Variants in ZFHX3 observed in about 807,000 individuals in gnomAD.
The protein encoded by ZFHX3 is zinc finger homeobox 3.
Under a neutral mutation model 279.1 loss-of-function variants are expected in ZFHX3, and 42 were observed. The ratio of observed to expected loss-of-function variants is 0.15; its 90% CI spans 0.12 to 0.19. The LOEUF (loss-of-function observed/expected upper bound fraction) is 0.19, where lower values mean the gene tolerates loss of function less well. ZFHX3 is among the 10% of genes least tolerant of loss of function. ZFHX3 has a pLI of 1.00. For missense variants in ZFHX3, 4,981 were observed against 4,754.0 expected (o/e 1.05, Z -1.40); for synonymous variants, 2,293 against 1,957.8 (o/e 1.17, Z -4.52).
At chr16:72,867,867 C>T (rs2143938625) in intron 4 of ZFHX3, among the ~76,000 whole-genome samples, 1 of 152,284 alleles carries the variant, frequency 6.6e-6, no homozygotes, top group Non-Finnish European at 1.5e-5. Flanking sequence ...TCTCACCAAT[C>T]ACTGAAAAGG....
chr16:73,411,448 T>C lies in ZFHX3; in HGVS notation c.-1291+44555A>G, dbSNP rs373806422. Among the ~76,000 whole-genome samples the C allele has an allele frequency of 5.9e-4, 90 of 152,330 alleles. 1 individual carries two copies. Among genetic ancestry groups the C allele is most frequent in the African/African-American group, 1.9e-3 (77 of 41,576 alleles). On this transcript the variant is annotated intron_variant, in intron 3 of 17. Coordinates refer to the ZFHX3 transcript ENST00000641206. ...TGGGAATACCTTTCTGAAATTTTAA[T>C]GGCCATCAAATGGGAATATATGATT...
chr16:73,087,665 G>A (rs1437190701), intron 8 of ZFHX3, among the ~76,000 whole-genome samples: 1 of 152,128 alleles, frequency 6.6e-6, no homozygotes, highest in Non-Finnish European at 1.5e-5. Context: ...TTTTCATGGA[G>A]AAGATGACTT....
chr16:72,986,763 C>G (rs919205235), intron 1 of ZFHX3, among the ~76,000 whole-genome samples: 2 of 152,272 alleles, frequency 1.3e-5, no homozygotes, highest in African/African-American at 2.4e-5. Context: ...GGGAAAGCCA[C>G]TGGGTCCTGC....
chr16:73,730,032 AC>A (rs1177550371), intron 1 of ZFHX3, among the ~76,000 whole-genome samples: 1 of 152,218 alleles, frequency 6.6e-6, no homozygotes, highest in African/African-American at 2.4e-5. Context: ...AGACAATCAG[AC>A]AAACATGGTC....
chr16:72,944,066 TTGAGCCCAGGGGTTCAAGACCAGC>T (rs1392704593), intron 3 of ZFHX3, among the ~76,000 whole-genome samples: 1 of 152,146 alleles, frequency 6.6e-6, no homozygotes, highest in East Asian at 1.9e-4. Flanking sequence ...TGGATCGTGC[TTGAGCCCAGGGGTTCAAGACCAGC>T]CTAGGCAAAA....
chr16:73,009,941 A>G (rs1009100092), intron 1 of ZFHX3, among the ~76,000 whole-genome samples: 1 of 151,696 alleles, frequency 6.6e-6, no homozygotes, highest in African/African-American at 2.4e-5. Context: ...GAATCATTTG[A>G]ACTCAGGAAG....
intron 3 of ZFHX3, among the ~76,000 whole-genome samples, chr16:73,452,398 A>T (rs1296116914): frequency 6.6e-6 from 1 of 152,172 alleles, no homozygotes; most frequent in African/African-American, 2.4e-5. Context: ...TTTTATTTTA[A>T]TTTTTTAATC....
chr16:73,841,229 C>G (rs940235046), intron 1 of ZFHX3, among the ~76,000 whole-genome samples: 3 of 152,158 alleles, frequency 2.0e-5, no homozygotes, highest in Non-Finnish European at 2.9e-5. Flanking sequence ...GTCTTATGAG[C>G]CCAAGTTTAG....
chr16:73,258,630 G>C (rs952991593), intron 4 of ZFHX3, among the ~76,000 whole-genome samples: 2 of 152,152 alleles, frequency 1.3e-5, no homozygotes, highest in Non-Finnish European at 2.9e-5. Context: ...TTACAGGCGT[G>C]AGCCACCGCA....
At chr16:72,882,770 A>C (rs2038514512) in intron 4 of ZFHX3, among the ~76,000 whole-genome samples, 1 of 152,138 alleles carries the variant, frequency 6.6e-6, no homozygotes, top group Non-Finnish European at 1.5e-5. Context: ...TCAGTTCAAC[A>C]AGGCTCCTAG....
At chr16:73,753,544 C>T (rs545683877) in intron 1 of ZFHX3, among the ~76,000 whole-genome samples, 1 of 152,120 alleles carries the variant, frequency 6.6e-6, no homozygotes, top group Admixed American at 6.5e-5. Flanking sequence ...GGTATAAATA[C>T]AGTTGCCAAC....
chr16:73,710,685 G>T (rs1253220766), intron 1 of ZFHX3, among the ~76,000 whole-genome samples: 1 of 152,132 alleles, frequency 6.6e-6, no homozygotes, highest in Non-Finnish European at 1.5e-5. Context: ...CCTGCCTCCC[G>T]TTGTCTCTGG....
chr16:72,980,442 A>AC (rs1397024502), intron 1 of ZFHX3, among the ~76,000 whole-genome samples: 16 of 152,138 alleles, frequency 1.1e-4, no homozygotes, highest in African/African-American at 3.4e-4. Context: ...CTGAATTGCA[A>AC]CTTGGGATTA....
In ZFHX3 at chr16:73,047,951, G is replaced by C. The variant is rs1459404011; in HGVS notation, c.-249C>G. The C allele has an allele frequency of 2.0e-5, 3 of 152,360 alleles. No individual in the cohort carries two copies. Among genetic ancestry groups the C allele is most frequent in the African/African-American group, 7.2e-5 (3 of 41,446 alleles). The allele number at this position is 152,360 out of a possible 1,614,324, so 9.4% of individuals were successfully genotyped here. On this transcript the variant is annotated 5_prime_UTR_variant, in exon 1 of 10. Coordinates refer to ENST00000268489, the MANE Select transcript of ZFHX3 (RefSeq NM_006885.4). ...GTCAGGAGCAGGGGGCCCGGAGACA[G>C]GGGAGGGGAGCTCATGGTGGCGGCA...
intron 2 of ZFHX3, among the ~76,000 whole-genome samples, chr16:73,618,221 G>C (rs1374052920): frequency 6.6e-6 from 1 of 152,138 alleles, no homozygotes; most frequent in African/African-American, 2.4e-5. Context: ...CAGACTGTAA[G>C]AGGTTAGGTG....
chr16:73,190,163 G>A (rs904174628), intron 5 of ZFHX3, among the ~76,000 whole-genome samples: 3 of 152,164 alleles, frequency 2.0e-5, no homozygotes, highest in South Asian at 4.1e-4. Flanking sequence ...CTTAAGGAAC[G>A]CACCTTTGGA....
intron 3 of ZFHX3, among the ~76,000 whole-genome samples, chr16:72,942,739 A>G (rs1330194801): frequency 6.6e-6 from 1 of 151,954 alleles, no homozygotes; most frequent in Admixed American, 6.6e-5. Context: ...TTTGTTCCTG[A>G]CCCCTTTTTT....
At chr16:72,901,861 C>T (rs2039045940) in intron 3 of ZFHX3, among the ~76,000 whole-genome samples, 1 of 152,122 alleles carries the variant, frequency 6.6e-6, no homozygotes, top group African/African-American at 2.4e-5. Flanking sequence ...TTTGGGTTCC[C>T]CCATAAATAA....
intron 3 of ZFHX3, among the ~76,000 whole-genome samples, chr16:72,945,759 C>CT (rs1455042556): frequency 6.6e-6 from 1 of 152,076 alleles, no homozygotes; most frequent in Admixed American, 6.6e-5. Context: ...TTCACCGGAG[C>CT]TTCAAACACA....
Sources: gnomAD v4.1 joint callset for allele counts (sites outside exome capture counted in the v4.1 genomes callset) on GRCh38, gnomAD v4.1.1 for gene constraint, MANE v1.5 for transcripts, NCBI Gene and HGNC (gene_info 2026-07-23, HGNC 2026-07-21) for gene names.